Variants in FAF1 observed in about 807,000 individuals in gnomAD.
The protein encoded by FAF1 is FAS-associated factor 1.
A neutral mutation model predicts 92.5 loss-of-function variants in FAF1; 25 were observed. That is an observed-to-expected ratio of 0.27 (90% CI 0.20 to 0.38). The LOEUF (loss-of-function observed/expected upper bound fraction) is 0.38. Among genes scored for constraint, FAF1 ranks in the 10% least tolerant of loss-of-function variants. FAF1 has a pLI of 1.00. For synonymous variants in FAF1, 234 were observed against 273.2 expected, an observed-to-expected ratio of 0.86 and a Z score of 1.42; for missense variants, 636 against 793.3, an observed-to-expected ratio of 0.80 and a Z score of 2.38.
At chr1:50,827,940 T>C (rs1644117826) in intron 2 of FAF1, among the ~76,000 whole-genome samples, 2 of 152,192 alleles carry the variant, frequency 1.3e-5, no homozygotes, top group Admixed American at 1.3e-4. Flanking sequence ...CCCAGATTCA[T>C]CTTCAAATCT....
chr1:50,819,353 G>A lies in FAF1; in HGVS notation c.115-17676C>T, dbSNP rs1047076927. ...CTATATGTAAATTGCAGTAGCGCAC[G>A]CCTGTAATCCCAGCACTTTGGGAGA... On this transcript the variant is annotated intron_variant, in intron 2 of 18. Transcript: ENST00000396153. Among the ~76,000 whole-genome samples the A allele has an allele frequency of 1.1e-4, 17 of 151,642 alleles. No individual in the cohort carries two copies. The South Asian group carries it at 2.3e-3, about 20-fold the overall frequency.
At chr1:50,885,295 T>TTCTCTCTCTCTCTCTCTC (rs147647466) in intron 1 of FAF1, among the ~76,000 whole-genome samples, 43 of 137,316 alleles carry the variant, frequency 3.1e-4, no homozygotes, top group African/African-American at 7.0e-4. Context: ...CCGTGTCTCT[T>TTCTCTCTCTCTCTCTCTC]TCTCTCTCTC....
intron 1 of FAF1, among the ~76,000 whole-genome samples, chr1:50,861,818 T>C (rs971573949): frequency 6.6e-6 from 1 of 151,628 alleles, no homozygotes; most frequent in Non-Finnish European, 1.5e-5. Flanking sequence ...AAAATTTCTG[T>C]CTCCCTCACC....
chr1:50,650,817 G>A (rs1654830280), intron 8 of FAF1, among the ~76,000 whole-genome samples: 1 of 152,120 alleles, frequency 6.6e-6, no homozygotes, highest in African/African-American at 2.4e-5. Context: ...AGTGTAAAAT[G>A]AGATTTTGCC....
At chr1:50,853,493 G>A (rs891745045) in intron 2 of FAF1, among the ~76,000 whole-genome samples, 1 of 152,040 alleles carries the variant, frequency 6.6e-6, no homozygotes, top group African/African-American at 2.4e-5. Flanking sequence ...ACAAATATAA[G>A]CACTCTGAAT....
At chr1:50,514,486 T>C (rs1647182701) in intron 15 of FAF1, among the ~76,000 whole-genome samples, 1 of 152,202 alleles carries the variant, frequency 6.6e-6, no homozygotes. Flanking sequence ...GATTGAGCCT[T>C]TAATATAATG....
At chr1:50,937,994 C>T (rs1002496252) in intron 1 of FAF1, among the ~76,000 whole-genome samples, 9 of 152,138 alleles carry the variant, frequency 5.9e-5, no homozygotes, top group African/African-American at 2.2e-4. Context: ...GCCTGGTATA[C>T]CCTCAGTACA....
intron 4 of FAF1, among the ~76,000 whole-genome samples, chr1:50,761,783 C>T (rs1215487693): frequency 7.2e-5 from 11 of 152,056 alleles, no homozygotes; most frequent in Non-Finnish European, 1.6e-4. Flanking sequence ...TGGCACAAGA[C>T]AGGGATGCCC....
intron 6 of FAF1, among the ~76,000 whole-genome samples, chr1:50,724,455 G>A (rs938762794): frequency 6.6e-6 from 1 of 151,958 alleles, no homozygotes; most frequent in East Asian, 1.9e-4. Context: ...AGAATTTTTC[G>A]CTTATTGTAC....
chr1:50,905,731 T>C (rs1339251876), intron 1 of FAF1, among the ~76,000 whole-genome samples: 1 of 152,244 alleles, frequency 6.6e-6, no homozygotes, highest in Admixed American at 6.5e-5. Context: ...ATGGGGTTGA[T>C]TTTTTCTTGT....
intron 7 of FAF1, among the ~76,000 whole-genome samples, chr1:50,690,895 T>C (rs1305282819): frequency 6.6e-6 from 1 of 152,220 alleles, no homozygotes; most frequent in Non-Finnish European, 1.5e-5. Flanking sequence ...ATTAACATTG[T>C]CATATGTATC....
chr1:50,525,166 G>A (rs554772591), intron 15 of FAF1, among the ~76,000 whole-genome samples: 3 of 152,294 alleles, frequency 2.0e-5, no homozygotes, highest in African/African-American at 7.2e-5. Context: ...GATTACAGGC[G>A]TGAGCCACTG....
Position 50,714,226 on chromosome 1 carries a change from G to A in FAF1, c.552-8335C>T, listed in dbSNP as rs867798013. 1.6e-4 allele frequency among the ~76,000 whole-genome samples: 24 copies of A among 150,386 alleles called. No homozygotes were observed. The Middle Eastern group carries it at 0.014, about 86-fold the overall frequency. On this transcript the variant is annotated intron_variant, in intron 6 of 18. Coordinates refer to ENST00000396153, the MANE Select transcript of FAF1 (RefSeq NM_007051.3). Reference sequence around the variant, plus strand: ...GAAATATTTGCATTATCTTCGCCTGGGTGTCGTGGCTCACGCCTGTAATCC... The same window carrying A: ...GAAATATTTGCATTATCTTCGCCTGAGTGTCGTGGCTCACGCCTGTAATCC...
At chr1:50,900,425 G>T (rs1486917095) in intron 1 of FAF1, among the ~76,000 whole-genome samples, 5 of 152,066 alleles carry the variant, frequency 3.3e-5, no homozygotes, top group Non-Finnish European at 4.4e-5. Context: ...TTAATTCCCT[G>T]CATTAAACAG....
chr1:50,826,686 G>T (rs1448372927), intron 2 of FAF1, among the ~76,000 whole-genome samples: 1 of 152,004 alleles, frequency 6.6e-6, no homozygotes, highest in East Asian at 1.9e-4. Flanking sequence ...AAATCCCACA[G>T]ATATTTAAAA....
rs1354126584 is a variant in FAF1 at position 50,887,864 on chromosome 1, C to T, written c.46-29867G>A. The stretch of plus-strand genomic sequence containing the variant: ...TAGGATTGTCTTGGCAAGGCAGGCT[C>T]TTTTTTGGTTCCATATGAACTTTAA... On this transcript the variant is annotated intron_variant, in intron 1 of 18. Transcript: ENST00000396153. Among the ~76,000 whole-genome samples the T allele has an allele frequency of 2.0e-5, 3 of 152,252 alleles. No homozygotes were observed. The East Asian group carries it at 5.8e-4, about 29-fold the overall frequency.
intron 18 of FAF1, among the ~76,000 whole-genome samples, chr1:50,450,193 CAAAA>C (rs558054363): frequency 1.3e-5 from 1 of 75,924 alleles, no homozygotes; most frequent in Non-Finnish European, 2.9e-5. Flanking sequence ...GACTCCATCT[CAAAA>C]AAAAAAAAAA....
At chr1:50,658,240 T>C (rs1377580901) in intron 7 of FAF1, among the ~76,000 whole-genome samples, 1 of 152,128 alleles carries the variant, frequency 6.6e-6, no homozygotes, top group Non-Finnish European at 1.5e-5. Context: ...AAATAATTTC[T>C]TGAAATTATT....
chr1:50,562,277 G>C (rs1186175900), intron 13 of FAF1, among the ~76,000 whole-genome samples: 1 of 152,140 alleles, frequency 6.6e-6, no homozygotes, highest in East Asian at 1.9e-4. Context: ...GCCAATGCTG[G>C]ATGAATCATT....
Sources: gnomAD v4.1 joint callset for allele counts (sites outside exome capture counted in the v4.1 genomes callset) on GRCh38, gnomAD v4.1.1 for gene constraint, MANE v1.5 for transcripts, NCBI Gene and HGNC (gene_info 2026-07-23, HGNC 2026-07-21) for gene names.